The following ARHGEF10L variants were observed in gnomAD, a reference collection of about 807,000 sequenced individuals.
ARHGEF10L encodes the protein Rho guanine nucleotide exchange factor 10 like, also known as rho guanine nucleotide exchange factor 10-like protein.
Under a neutral mutation model 141.2 loss-of-function variants are expected in ARHGEF10L, and 69 were observed. That is an observed-to-expected ratio of 0.49 (90% CI 0.40 to 0.60). The LOEUF (loss-of-function observed/expected upper bound fraction) is 0.60. Ranked by LOEUF, ARHGEF10L falls within the 20% of genes least tolerant of loss-of-function variation. The pLI is 0.00. For synonymous variants in ARHGEF10L, 711 were observed against 718.5 expected (o/e 0.99, Z 0.17); for missense variants, 1,482 against 1,734.3 (o/e 0.85, Z 2.58).
intron 28 of ARHGEF10L, among the ~76,000 whole-genome samples, chr1:17,696,212 CAA>C (rs33980606): frequency 1.8e-4 from 23 of 127,128 alleles, no homozygotes; most frequent in African/African-American, 3.6e-4. Context: ...GACACCATCT[CAA>C]AAAAAAAAAA....
Position 17,642,623 on chromosome 1 carries a change from T to A in ARHGEF10L, c.2272+2321T>A, listed in dbSNP as rs2061389758. Among the ~76,000 whole-genome samples, 3 of 152,206 alleles carry A rather than the reference T, an allele frequency of 2.0e-5. No homozygotes were observed. The South Asian group carries it at 6.2e-4, about 31-fold the overall frequency. ...AGGAACCTGGACCAGAGGCTTCTACTCAGCCCATCCCTTCTTGGATCCAGT... is the reference window on the plus strand; with the variant it reads ...AGGAACCTGGACCAGAGGCTTCTACACAGCCCATCCCTTCTTGGATCCAGT... On this transcript the variant is annotated intron_variant, in intron 21 of 28. Coordinates refer to ENST00000361221, the MANE Select transcript of ARHGEF10L (RefSeq NM_018125.4).
At chr1:17,552,591 T>G (rs1267493674) in intron 1 of ARHGEF10L, among the ~76,000 whole-genome samples, 1 of 130,546 alleles carries the variant, frequency 7.7e-6, no homozygotes, top group South Asian at 2.6e-4. Flanking sequence ...TTTTTTTTTT[T>G]TTTTTTTTTT....
intron 1 of ARHGEF10L, among the ~76,000 whole-genome samples, chr1:17,574,026 G>A (rs1251186389): frequency 6.6e-6 from 1 of 152,188 alleles, no homozygotes. Flanking sequence ...TGTCCATCAG[G>A]TCGGTGAGGG....
intron 27 of ARHGEF10L, chr1:17,694,864 G>T: frequency 1.7e-6 from 1 of 578,924 alleles, no homozygotes; most frequent in South Asian, 1.6e-5. Context: ...TATTGAGAGC[G>T]CACACAGACC....
intron 21 of ARHGEF10L, among the ~76,000 whole-genome samples, chr1:17,641,776 C>G (rs554486261): frequency 6.6e-6 from 1 of 151,880 alleles, no homozygotes; most frequent in Non-Finnish European, 1.5e-5. Context: ...GTCAGGAGTT[C>G]GAGACCATCC....
At chr1:17,540,674 C>T (rs764082832) in intron 1 of ARHGEF10L, among the ~76,000 whole-genome samples, 1 of 152,158 alleles carries the variant, frequency 6.6e-6, no homozygotes, top group African/African-American at 2.4e-5. Context: ...GGTCTCGAAT[C>T]TTCCTTTGGC....
At chr1:17,608,474 G>A (rs1054630653) in intron 7 of ARHGEF10L, among the ~76,000 whole-genome samples, 3 of 152,234 alleles carry the variant, frequency 2.0e-5, no homozygotes, top group African/African-American at 7.2e-5. Flanking sequence ...CTAAGCCAGA[G>A]CGGCCTGGAA....
chr1:17,677,106 C>T (rs2063772187), intron 26 of ARHGEF10L, among the ~76,000 whole-genome samples: 1 of 152,116 alleles, frequency 6.6e-6, no homozygotes, highest in South Asian at 2.1e-4. Flanking sequence ...AGGAGATGGG[C>T]AGAGGCAGTC....
chr1:17,526,617 A>G, the ARHGEF10L span, among the ~76,000 whole-genome samples: 1 of 152,164 alleles, frequency 6.6e-6, no homozygotes, highest in African/African-American at 2.4e-5. Context: ...CAAAGAGACA[A>G]GGCTGGCCGG....
chr1:17,585,211 C>T (rs76120170), intron 2 of ARHGEF10L, among the ~76,000 whole-genome samples: 14 of 152,202 alleles, frequency 9.2e-5, no homozygotes. Flanking sequence ...AGCTCCCACC[C>T]AAGCCCTTTC....
At chr1:17,681,838 T>A (rs1475319518) in intron 26 of ARHGEF10L, among the ~76,000 whole-genome samples, 1 of 152,204 alleles carries the variant, frequency 6.6e-6, no homozygotes, top group African/African-American at 2.4e-5. Context: ...CCCCTGGGGC[T>A]TTGTCATCCA....
At position 17,619,341 on chromosome 1, in the gene ARHGEF10L, G is replaced by A; in HGVS notation, c.838G>A (p.Asp280Asn). Residue 280 changes from aspartate to asparagine, a missense_variant and splice_region_variant, in exon 10 of 29, where the codon GAC becomes AAC. Around this residue, in one of 3 missense-constraint regions of ARHGEF10L, gnomAD observed 392 missense variants for 542.1 expected, o/e 0.72. Coordinates refer to ENST00000361221, the MANE Select transcript of ARHGEF10L (RefSeq NM_018125.4). This position sits in a 1 kb window ranked among gnomAD's most constrained non-coding sequence, Gnocchi z 5.0. Reference sequence around the variant, plus strand: ...CATCGGCCCATCTGACTTTCCAGGTGACTCGGAGGAGGAGGACATGGGGCT... The same window carrying A: ...CATCGGCCCATCTGACTTTCCAGGTAACTCGGAGGAGGAGGACATGGGGCT... ...SFLHRKDVLG[D>N]SEEEDMGLLE... 6.2e-7 allele frequency: 1 copy of A among 1,613,230 alleles called. No homozygotes were observed. The highest frequency in any genetic ancestry group is 8.5e-7 in the Non-Finnish European group (1 of 1,179,874).
chr1:17,544,972 G>C (rs1266903071), intron 1 of ARHGEF10L, among the ~76,000 whole-genome samples: 1 of 152,084 alleles, frequency 6.6e-6, no homozygotes, highest in African/African-American at 2.4e-5. Flanking sequence ...ACAGCATGGG[G>C]AAAACCTGCC....
At chr1:17,549,623 C>T (rs1215237259) in intron 1 of ARHGEF10L, among the ~76,000 whole-genome samples, 1 of 152,070 alleles carries the variant, frequency 6.6e-6, no homozygotes, top group African/African-American at 2.4e-5. Flanking sequence ...ATGCAAAAGC[C>T]CTGAGGCCAG....
chr1:17,670,692 G>C (rs2063267231), intron 26 of ARHGEF10L, among the ~76,000 whole-genome samples: 1 of 152,242 alleles, frequency 6.6e-6, no homozygotes, highest in African/African-American at 2.4e-5. Context: ...GGGCGTTGGG[G>C]ACCCGGCTGG....
chr1:17,620,501 T>A (rs2101417759), intron 10 of ARHGEF10L, among the ~76,000 whole-genome samples: 1 of 152,308 alleles, frequency 6.6e-6, no homozygotes, highest in Non-Finnish European at 1.5e-5. Flanking sequence ...TGGGTGCCAC[T>A]TGAGTACCTG....
intron 2 of ARHGEF10L, among the ~76,000 whole-genome samples, chr1:17,585,440 C>G (rs1191551907): frequency 6.6e-6 from 1 of 152,180 alleles, no homozygotes; most frequent in African/African-American, 2.4e-5. Flanking sequence ...TTCATGACAC[C>G]TGGGGAAGGA....
rs894447734 is a variant in ARHGEF10L at position 17,695,365 on chromosome 1, C to T, written c.3307+85C>T. 13 of 1,498,392 alleles carry T rather than the reference C, an allele frequency of 8.7e-6. No homozygotes were observed. In the East Asian group the frequency reaches 2.3e-4, roughly 26 times the overall value. The allele number at this position is 1,498,392 out of a possible 1,614,324, so 92.8% of individuals were successfully genotyped here. ...GGCTTGGCGGGGAGGGTGTATTATG[C>T]CCTCATTGGTATAGGGATGGGGTTC... is the stretch of plus-strand genomic sequence containing the variant. On this transcript the variant is annotated intron_variant, in intron 28 of 28. Coordinates refer to ENST00000361221, the MANE Select transcript of ARHGEF10L (RefSeq NM_018125.4).
At chr1:17,630,759 A>C (rs115100290) in intron 15 of ARHGEF10L, among the ~76,000 whole-genome samples, 3,577 of 152,280 alleles carry the variant, frequency 0.023, 150 homozygotes, top group African/African-American at 0.082. Context: ...GAATATTAAG[A>C]GCCATCCTCA....
Sources: allele counts gnomAD v4.1 joint callset (sites outside exome capture counted in the v4.1 genomes callset), GRCh38; gene constraint gnomAD v4.1.1; regional missense constraint gnomAD v4.1.1; non-coding constraint Gnocchi (gnomAD v3.1); transcripts MANE v1.5; gene names NCBI Gene and HGNC (gene_info 2026-07-23, HGNC 2026-07-21).